Variants in PRPF3 observed in about 807,000 individuals in gnomAD.
PRPF3 encodes pre-mRNA processing factor 3.
PRPF3 carries 3 observed loss-of-function variants against 89.2 expected under a neutral mutation model. That is an observed-to-expected ratio of 0.03 (90% CI 0.02 to 0.09). The LOEUF is 0.09. Ranked by LOEUF, PRPF3 falls within the 10% of genes least tolerant of loss-of-function variation. The probability of loss-of-function intolerance (pLI) is 1.00; values close to 1 mark genes in which losing one functional copy is unlikely to be tolerated. For missense variants in PRPF3, 463 were observed against 828.8 expected (o/e 0.56, Z 5.42); for synonymous variants, 270 against 289.1 (o/e 0.93, Z 0.67).
At position 150,352,829 on chromosome 1, in the gene PRPF3, C is replaced by T. The variant is rs1016164288; in HGVS notation, c.1906-4C>T. On this transcript the variant is annotated splice_polypyrimidine_tract_variant and splice_region_variant and intron_variant, in intron 15 of 15. Transcript: ENST00000324862. ...AGTGTTTTTATTATATATCTCTTTTCTAGGGTACAGCCAAAGACCGGAGCT... is the reference window on the plus strand; with the variant it reads ...AGTGTTTTTATTATATATCTCTTTTTTAGGGTACAGCCAAAGACCGGAGCT... The T allele has an allele frequency of 8.1e-6, 13 of 1,613,768 alleles. No individual in the cohort carries two copies. The highest frequency in any genetic ancestry group is 1.0e-5 in the Non-Finnish European group (12 of 1,179,818).
chr1:150,323,198 G>T (rs1474796565), intron 1 of PRPF3, among the ~76,000 whole-genome samples: 8 of 4,716 alleles, frequency 1.7e-3, no homozygotes, highest in Admixed American at 9.9e-3. Context: ...TTTTTTTTTT[G>T]GAGACACAGT....
At chr1:150,338,486 C>A (rs1401715711) in intron 8 of PRPF3, among the ~76,000 whole-genome samples, 160 bp downstream of exon 8, 1 of 149,836 alleles carries the variant, frequency 6.7e-6, no homozygotes, top group African/African-American at 2.5e-5. Context: ...TAACTGTACA[C>A]AAGGTCCTGT....
At chr1:150,350,427 C>T (rs189850903) in intron 15 of PRPF3, among the ~76,000 whole-genome samples, 2 of 150,592 alleles carry the variant, frequency 1.3e-5, no homozygotes, top group East Asian at 4.0e-4. Flanking sequence ...TCTCGAACTC[C>T]TGACCTGAGG....
At chr1:150,336,705 G>T (rs1464471802) in intron 7 of PRPF3, among the ~76,000 whole-genome samples, 1 of 152,080 alleles carries the variant, frequency 6.6e-6, no homozygotes, top group Non-Finnish European at 1.5e-5. Flanking sequence ...GCAGTGAGCT[G>T]AGATCGCACC....
chr1:150,340,571 A>G (rs886252893), intron 9 of PRPF3, 94 bp downstream of exon 9: 17 of 957,968 alleles, frequency 1.8e-5, no homozygotes, highest in South Asian at 1.1e-4. Context: ...ATGCTGTTCA[A>G]TACAATAGCC....
intron 9 of PRPF3, among the ~76,000 whole-genome samples, chr1:150,340,738 C>T (rs182524847): frequency 1.3e-5 from 2 of 151,958 alleles, no homozygotes; most frequent in Non-Finnish European, 1.5e-5. Flanking sequence ...CAAACACTTT[C>T]GGAGGCCAAG....
intron 9 of PRPF3, 130 bp downstream of exon 9, chr1:150,340,607 T>A (rs1657589107): frequency 1.3e-6 from 1 of 755,858 alleles, no homozygotes; most frequent in Admixed American, 2.2e-5. Context: ...TTCTTTTTTT[T>A]AATTCAGTTT....
At chr1:150,324,208 G>A (rs1431712305) in intron 1 of PRPF3, among the ~76,000 whole-genome samples, 1 of 152,158 alleles carries the variant, frequency 6.6e-6, no homozygotes, top group African/African-American at 2.4e-5. Flanking sequence ...GGGAATGCCT[G>A]CCTGGAAGTA....
intron 5 of PRPF3, 60 bp downstream of exon 5, chr1:150,332,827 A>C: frequency 6.3e-7 from 1 of 1,577,038 alleles, no homozygotes; most frequent in Non-Finnish European, 8.7e-7. Flanking sequence ...CTTGCCATCC[A>C]CTCAAAATGA....
chr1:150,328,292 G>A, intron 3 of PRPF3, 28 bp from the exon 4 acceptor site: 1 of 1,613,376 alleles, frequency 6.2e-7, no homozygotes, highest in East Asian at 2.2e-5. Flanking sequence ...GAGGGATACA[G>A]CTTTTCTTTC....
In PRPF3 at chr1:150,325,841, C is replaced by T. The variant is rs781821734; in HGVS notation, c.236C>T (p.Ser79Phe). ...AVEEGRSSRH[S>F]KSSSDRSRKR... Reference sequence around the variant, plus strand: ...GAGGAAGGCCGAAGCTCTAGGCATTCCAAGTCTAGCAGTGACAGGAGCAGA... The same window carrying T: ...GAGGAAGGCCGAAGCTCTAGGCATTTCAAGTCTAGCAGTGACAGGAGCAGA... Residue 79 changes from serine to phenylalanine, a missense_variant, in exon 3 of 16, where the codon TCC becomes TTC. By Grantham distance (155) the Ser-to-Phe change is radical. This residue lies in a region of PRPF3 where 21 missense variants were observed against 16.6 expected (regional missense o/e 1.26). Coordinates refer to ENST00000324862, the MANE Select transcript of PRPF3 (RefSeq NM_004698.4). 1 of 1,613,700 alleles carries T rather than the reference C, an allele frequency of 6.2e-7. No individual in the cohort carries two copies. Among genetic ancestry groups the T allele is most frequent in the South Asian group, 1.1e-5 (1 of 91,074 alleles).
intron 13 of PRPF3, 121 bp from the exon 14 acceptor site, chr1:150,346,287 A>T: frequency 8.0e-7 from 1 of 1,245,832 alleles, no homozygotes; most frequent in Non-Finnish European, 1.2e-6. Context: ...TTTGGAGTAG[A>T]AGGCCCTAAG....
At chr1:150,321,960 A>G (rs1553862121) in intron 1 of PRPF3, among the ~76,000 whole-genome samples, 1 of 151,886 alleles carries the variant, frequency 6.6e-6, no homozygotes, top group Non-Finnish European at 1.5e-5. Context: ...TGAAGACTGG[A>G]TTTGGATTCT....
At chr1:150,331,026 T>C (rs1656310780) in intron 4 of PRPF3, among the ~76,000 whole-genome samples, 1 of 151,922 alleles carries the variant, frequency 6.6e-6, no homozygotes, top group African/African-American at 2.4e-5. Context: ...CTGTAATTTT[T>C]CATTTTATTT....
At position 150,336,539 on chromosome 1, in the gene PRPF3, C is replaced by T. The variant is rs587633154; in HGVS notation, c.1035+1298C>T. On this transcript the variant is annotated intron_variant, in intron 7 of 15. Transcript: ENST00000324862. ...TTGGGAGGCCGAGGTGGGTGGATCA[C>T]GAGGTCAGGAGTTCAAGACCAGCCT... 1.2e-3 allele frequency among the ~76,000 whole-genome samples: 175 copies of T among 152,080 alleles called. 1 individual carries two copies. Among genetic ancestry groups the T allele is most frequent in the African/African-American group, 3.3e-3 (137 of 41,512 alleles).
rs1255415197 is a variant in PRPF3 at position 150,321,565 on chromosome 1, C to G, written c.-76C>G. 6.6e-6 allele frequency: 1 copy of G among 152,660 alleles called. No homozygotes were observed. The highest frequency in any genetic ancestry group is 1.5e-5 in the Non-Finnish European group (1 of 68,106). The allele number at this position is 152,660 out of a possible 1,614,324, so 9.5% of individuals were successfully genotyped here. A position where few individuals can be genotyped will look rare whatever the true frequency, so the allele number is the denominator to read the frequency against. On this transcript the variant is annotated 5_prime_UTR_variant, in exon 1 of 16. Transcript: ENST00000324862. ...TTCCGGTTCCGGTGTAACGTTCGGG[C>G]TCCGTCTCAGGGGCTGAAGTTTGTG... is the stretch of plus-strand genomic sequence containing the variant.
intron 9 of PRPF3, among the ~76,000 whole-genome samples, chr1:150,342,727 T>C (rs1206820537): frequency 6.6e-6 from 1 of 152,114 alleles, no homozygotes; most frequent in Admixed American, 6.5e-5. Flanking sequence ...TTCACCATGT[T>C]GGCCAGGCTG....
In PRPF3 at chr1:150,325,892, A is replaced by G; in HGVS notation, c.276+11A>G. On this transcript the variant is annotated intron_variant, in intron 3 of 15. Coordinates refer to ENST00000324862, the MANE Select transcript of PRPF3 (RefSeq NM_004698.4). ...AAACGAGAGCTAAAGGTAGGTTACA[A>G]TTTACTGTCTAATGAGCTCAGGACT... 6.2e-7 allele frequency: 1 copy of G among 1,611,744 alleles called. No individual in the cohort carries two copies. The highest frequency in any genetic ancestry group is 8.5e-7 in the Non-Finnish European group (1 of 1,178,432).
rs1553870057 is a variant in PRPF3, at chr1:150,340,487, A to G, written c.1282+10A>G. On this transcript the variant is annotated intron_variant, in intron 9 of 15. Coordinates refer to ENST00000324862, the MANE Select transcript of PRPF3 (RefSeq NM_004698.4). ...CAGCTCAATCCTCCAGGTAATGTAT[A>G]GATTCCTGAATCAAGTCTCTAGAGC... 6.4e-7 allele frequency: 1 copy of G among 1,571,162 alleles called. No individual in the cohort carries two copies. Among genetic ancestry groups the G allele is most frequent in the Admixed American group, 1.7e-5 (1 of 59,940 alleles).
Sources: gnomAD v4.1 joint callset for allele counts (sites outside exome capture counted in the v4.1 genomes callset) on GRCh38, gnomAD v4.1.1 for gene constraint, gnomAD v4.1.1 regional missense constraint, MANE v1.5 for transcripts, NCBI Gene and HGNC (gene_info 2026-07-23, HGNC 2026-07-21) for gene names.